The following CECR2 variants were observed in gnomAD, a reference collection of about 807,000 sequenced individuals.
CECR2 encodes the protein CECR2 histone acetyl-lysine reader, also known as chromatin remodeling regulator CECR2.
In CECR2, 30 loss-of-function variants were observed where a neutral mutation model predicts 154.5. The ratio of observed to expected loss-of-function variants is 0.19; its 90% CI spans 0.15 to 0.26. The LOEUF (loss-of-function observed/expected upper bound fraction) is 0.26, where lower values mean the gene tolerates loss of function less well. Ranked by LOEUF, CECR2 falls within the 10% of genes least tolerant of loss-of-function variation. The pLI is 1.00. For missense variants in CECR2, 1,743 were observed against 1,829.3 expected, an observed-to-expected ratio of 0.95 and a Z score of 0.86; for synonymous variants, 725 against 683.7, an observed-to-expected ratio of 1.06 and a Z score of -0.94.
chr22:17,494,451 A>G (rs939659591), intron 2 of CECR2, among the ~76,000 whole-genome samples: 8 of 152,180 alleles, frequency 5.3e-5, no homozygotes, highest in African/African-American at 1.7e-4. Flanking sequence ...AAGGGTTGGT[A>G]GCAACTTCAC....
intron 1 of CECR2, among the ~76,000 whole-genome samples, chr22:17,470,273 A>G (rs1291758093): frequency 6.6e-6 from 1 of 151,858 alleles, no homozygotes; most frequent in Non-Finnish European, 1.5e-5. Flanking sequence ...CCCCATCTCT[A>G]CTAAAAATAA....
chr22:17,491,315 G>C (rs183967768), intron 2 of CECR2, among the ~76,000 whole-genome samples: 2 of 152,074 alleles, frequency 1.3e-5, no homozygotes, highest in African/African-American at 4.8e-5. Context: ...CCCACCGGCC[G>C]TGTGTGAGGA....
intron 1 of CECR2, among the ~76,000 whole-genome samples, chr22:17,391,975 T>C (rs759415549): frequency 1.3e-5 from 2 of 152,150 alleles, no homozygotes; most frequent in South Asian, 2.1e-4. Context: ...CTAATTTTTG[T>C]ATTTTTAGTA....
intron 1 of CECR2, among the ~76,000 whole-genome samples, chr22:17,383,181 T>C (rs1409337554): frequency 3.3e-5 from 5 of 152,226 alleles, no homozygotes; most frequent in Non-Finnish European, 5.9e-5. Flanking sequence ...GCCAAGATCA[T>C]GTCACTGCAC....
chr22:17,540,764 T>C lies in CECR2; in HGVS notation c.1848T>C (p.Gly616=), dbSNP rs768980553. 6 of 1,595,528 alleles carry C rather than the reference T, an allele frequency of 3.8e-6. No homozygotes were observed. The highest frequency in any genetic ancestry group is 5.1e-6 in the Non-Finnish European group (6 of 1,170,606). The change falls in exon 14 of 19, where the codon GGT becomes GGC. Residue 616 remains glycine (G), a synonymous_variant. Transcript: ENST00000262608. ...GTTTTTCTCATCCCCTGCATTGTGG[T>C]GGGACACCCAGCCAGGCACCCTTTT... ...GRGFSHPLHC[G]GTPSQAPFLN...
At chr22:17,538,834 C>A in intron 12 of CECR2, 103 bp downstream of exon 12, 1 of 1,309,150 alleles carries the variant, frequency 7.6e-7, no homozygotes, top group South Asian at 1.4e-5. Context: ...ATACGTTTTT[C>A]TTTTCAACTG....
chr22:17,514,502 C>T (rs1001203523), intron 8 of CECR2, among the ~76,000 whole-genome samples: 2 of 152,210 alleles, frequency 1.3e-5, no homozygotes. Flanking sequence ...ACCAACATCT[C>T]TACCATTTGC....
chr22:17,470,204 GAGGC>G (rs1478496207), intron 1 of CECR2, among the ~76,000 whole-genome samples: 1 of 152,004 alleles, frequency 6.6e-6, no homozygotes, highest in Non-Finnish European at 1.5e-5. Flanking sequence ...TTGGGAGGCT[GAGGC>G]AGGCAGATCA....
At chr22:17,490,147 T>TTGTGTGTGTG (rs66788556) in intron 2 of CECR2, among the ~76,000 whole-genome samples, 34 of 149,776 alleles carry the variant, frequency 2.3e-4, no homozygotes, top group African/African-American at 7.9e-4. Flanking sequence ...TGTTTTTTTT[T>TTGTGTGTGTG]TGTGTGTGTG....
intron 1 of CECR2, among the ~76,000 whole-genome samples, chr22:17,462,091 GTACCTGTTACTTTTT>G (rs2054948312): frequency 6.6e-6 from 1 of 151,576 alleles, no homozygotes; most frequent in Admixed American, 6.6e-5. Context: ...ATGCTCGGCA[GTACCTGTTACTTTTT>G]TAAAGATAAA....
At chr22:17,441,389 T>C (rs1388766866) in intron 1 of CECR2, among the ~76,000 whole-genome samples, 1 of 152,234 alleles carries the variant, frequency 6.6e-6, no homozygotes, top group Non-Finnish European at 1.5e-5. Context: ...GATACTGTAC[T>C]AGGCTGATAA....
chr22:17,497,283 C>A, intron 2 of CECR2, 120 bp from the exon 3 acceptor site: 1 of 964,032 alleles, frequency 1.0e-6, no homozygotes, highest in Non-Finnish European at 1.5e-6. Flanking sequence ...GAGCGAGACC[C>A]TGTCTGTATA....
chr22:17,539,688 A>AT (rs1331841656), intron 13 of CECR2, among the ~76,000 whole-genome samples: 1 of 151,800 alleles, frequency 6.6e-6, no homozygotes, highest in Admixed American at 6.6e-5. Context: ...CTATATATAT[A>AT]AAAAAAAGGA....
At chr22:17,477,138 A>G (rs1206306449) in intron 1 of CECR2, 4 of 726,248 alleles carry the variant, frequency 5.5e-6, no homozygotes, top group Non-Finnish European at 1.0e-5. Context: ...AAGCTGTTGC[A>G]GATGGTTTAT....
intron 1 of CECR2, among the ~76,000 whole-genome samples, chr22:17,421,475 T>C (rs940617012): frequency 8.6e-5 from 13 of 151,186 alleles, no homozygotes; most frequent in East Asian, 3.9e-4. Context: ...ATTAGTCGGG[T>C]GTAGTGGCGG....
chr22:17,540,731 T>C lies in CECR2; in HGVS notation c.1815T>C (p.Asn605=). Residue 605 remains asparagine, a synonymous_variant, in exon 14 of 19, where the codon AAT becomes AAC. Coordinates refer to ENST00000262608, the MANE Select transcript of CECR2 (RefSeq NM_001290047.2). The part of the protein sequence containing the change: ...TQPPREVGTS[N]GRGFSHPLHC... ...CCCCGCGGGAGGTGGGCACTTCCAA[T>C]GGCCGAGGTTTTTCTCATCCCCTGC... 6.2e-7 allele frequency: 1 copy of C among 1,611,646 alleles called. No individual in the cohort carries two copies. Among genetic ancestry groups the C allele is most frequent in the South Asian group, 1.1e-5 (1 of 90,528 alleles).
At chr22:17,364,215 C>T (rs1486813230) in intron 1 of CECR2, among the ~76,000 whole-genome samples, 22 of 151,584 alleles carry the variant, frequency 1.5e-4, no homozygotes, top group African/African-American at 3.2e-4. Flanking sequence ...TGGTGGCAGG[C>T]GCCTGTAGTC....
In CECR2 at chr22:17,497,541, C is replaced by T. The variant is rs1354364989; in HGVS notation, c.360C>T (p.Leu120=). 6.2e-7 allele frequency: 1 copy of T among 1,613,844 alleles called. No homozygotes were observed. The highest frequency in any genetic ancestry group is 1.7e-5 in the Admixed American group (1 of 59,994). The change falls in exon 3 of 19, where the codon CTC becomes CTT. Residue 120 remains leucine, a synonymous_variant. Coordinates refer to ENST00000262608, the MANE Select transcript of CECR2 (RefSeq NM_001290047.2). ...LRTRVEILHR[L]CDYRLDADDV... ...CACGGGTGGAGATCCTGCACCGACT[C>T]TGTGATTACCGGCTGGATGCAGACG... is the stretch of plus-strand genomic sequence containing the variant.
intron 1 of CECR2, among the ~76,000 whole-genome samples, chr22:17,447,680 G>A (rs1469420738): frequency 1.3e-5 from 2 of 151,224 alleles, no homozygotes; most frequent in Non-Finnish European, 2.9e-5. Context: ...GCCGGGGGTC[G>A]GGGGCGGTGG....
Sources: gnomAD v4.1 joint callset for allele counts (sites outside exome capture counted in the v4.1 genomes callset) on GRCh38, gnomAD v4.1.1 for gene constraint, MANE v1.5 for transcripts, NCBI Gene and HGNC (gene_info 2026-07-23, HGNC 2026-07-21) for gene names.